TMEM161B: variants seen among roughly 807,000 people sequenced by gnomAD.
TMEM161B encodes transmembrane protein 161B.
In TMEM161B, 34 loss-of-function variants were observed where a neutral mutation model predicts 61.8. That is an observed-to-expected ratio of 0.55 (90% CI 0.42 to 0.73). The LOEUF (loss-of-function observed/expected upper bound fraction) is 0.73, where lower values mean the gene tolerates loss of function less well. Ranked by LOEUF, TMEM161B falls within the 30% of genes least tolerant of loss-of-function variation. TMEM161B has a pLI of 0.00. For synonymous variants in TMEM161B, 167 were observed against 192.8 expected, an observed-to-expected ratio of 0.87 and a Z score of 1.11; for missense variants, 456 against 558.5, an observed-to-expected ratio of 0.82 and a Z score of 1.85.
At position 88,197,709 on chromosome 5, in the gene TMEM161B, C is replaced by G. The variant is rs747416950; in HGVS notation, c.1146G>C (p.Leu382=). The G allele has an allele frequency of 1.2e-6, 2 of 1,612,864 alleles. No individual in the cohort carries two copies. The highest frequency in any genetic ancestry group is 4.5e-5 in the East Asian group (2 of 44,816). The change falls in exon 11 of 12, where the codon CTG becomes CTC. Residue 382 remains leucine, a synonymous_variant. Coordinates refer to ENST00000296595, the MANE Select transcript of TMEM161B (RefSeq NM_153354.5). Reference sequence around the variant, plus strand: ...GCAGAGTTGTGTGAAGCAGCATTACCAGAGGCGCCACATACTGCAGTGCAA... The same window carrying G: ...GCAGAGTTGTGTGAAGCAGCATTACGAGAGGCGCCACATACTGCAGTGCAA... The part of the protein sequence containing the change: ...CVIALQYVAP[L]VMLLHTTLLL...
chr5:88,234,343 G>A (rs1262048308), intron 2 of TMEM161B, among the ~76,000 whole-genome samples: 1 of 152,174 alleles, frequency 6.6e-6, no homozygotes, highest in African/African-American at 2.4e-5. Context: ...GTTTTGGAGA[G>A]AAAGGATTTA....
intron 2 of TMEM161B, among the ~76,000 whole-genome samples, chr5:88,233,634 G>T (rs1751369102): frequency 6.6e-6 from 1 of 152,158 alleles, no homozygotes; most frequent in Non-Finnish European, 1.5e-5. Context: ...ATTAGAGGGA[G>T]ACAAGGGCAG....
intron 1 of TMEM161B, among the ~76,000 whole-genome samples, chr5:88,263,610 T>C (rs775331266): frequency 6.6e-6 from 1 of 152,210 alleles, no homozygotes; most frequent in Non-Finnish European, 1.5e-5. Context: ...GCTGTATTCA[T>C]TCTTACTAAC....
chr5:88,229,263 C>T (rs941895772), intron 2 of TMEM161B, among the ~76,000 whole-genome samples: 3 of 152,112 alleles, frequency 2.0e-5, no homozygotes, highest in East Asian at 1.9e-4. Flanking sequence ...ATTTGATATT[C>T]ATATCTTATT....
At chr5:88,259,722 C>T (rs1253885015) in intron 1 of TMEM161B, among the ~76,000 whole-genome samples, 2 of 151,818 alleles carry the variant, frequency 1.3e-5, no homozygotes, top group East Asian at 1.9e-4. Context: ...ACTGCTATGC[C>T]GGATAGTAAT....
chr5:88,203,750 C>CATAT (rs35091076), intron 8 of TMEM161B, among the ~76,000 whole-genome samples: 2 of 93,822 alleles, frequency 2.1e-5, no homozygotes, highest in Admixed American at 1.0e-4. Flanking sequence ...ATTTCCCTAT[C>CATAT]ATATATATAT....
chr5:88,209,014 AC>A lies in TMEM161B; in HGVS notation c.447-1835del, dbSNP rs1746155365. On this transcript the variant is annotated intron_variant, in intron 5 of 11. Transcript: ENST00000296595. ...AATTTTGTGCATGAAAAAAATTTTG[AC>A]TGCATTTTAACTGCAATCTCTCACA... Among the ~76,000 whole-genome samples the A allele has an allele frequency of 2.6e-5, 4 of 152,354 alleles. 1 individual carries two copies. In the South Asian group the frequency reaches 8.3e-4, roughly 32 times the overall value.
chr5:88,191,749 A>G (rs559336007), downstream of TMEM161B, among the ~76,000 whole-genome samples: 15 of 151,652 alleles, frequency 9.9e-5, no homozygotes, highest in Admixed American at 8.5e-4. Context: ...CGAGGTCAGG[A>G]GATCGAGACC....
At chr5:88,215,735 G>C (rs953716773) in intron 5 of TMEM161B, among the ~76,000 whole-genome samples, 14 of 152,168 alleles carry the variant, frequency 9.2e-5, no homozygotes, top group Non-Finnish European at 1.6e-4. Context: ...CAGTGCTAAA[G>C]GCTGTGTGGG....
Position 88,219,091 on chromosome 5 carries a change from C to T in TMEM161B, c.446+1472G>A, listed in dbSNP as rs149763304. ...CTAGACTGGGGCTTATCTGAGGGTT[C>T]CAGGAGGAAAACTCTACTCAAGATG... On this transcript the variant is annotated intron_variant, in intron 5 of 11. Coordinates refer to ENST00000296595, the MANE Select transcript of TMEM161B (RefSeq NM_153354.5). 1.4e-4 allele frequency among the ~76,000 whole-genome samples: 22 copies of T among 152,172 alleles called. No homozygotes were observed. The East Asian group carries it at 2.7e-3, about 19-fold the overall frequency.
chr5:88,248,720 A>G (rs1051397266), intron 1 of TMEM161B, among the ~76,000 whole-genome samples: 9 of 152,004 alleles, frequency 5.9e-5, no homozygotes, highest in African/African-American at 1.9e-4. Flanking sequence ...CTGAGAAAAA[A>G]AAAAAAAAAA....
intron 2 of TMEM161B, among the ~76,000 whole-genome samples, chr5:88,238,541 A>C (rs942455592): frequency 3.9e-5 from 6 of 152,038 alleles, no homozygotes; most frequent in Admixed American, 3.3e-4. Context: ...CACTATTCAT[A>C]GTTGTAAAAA....
chr5:88,220,491 CTCAAA>C (rs766839174), intron 5 of TMEM161B, 67 bp downstream of exon 5: 4 of 1,223,552 alleles, frequency 3.3e-6, no homozygotes, highest in Non-Finnish European at 4.3e-6. Context: ...TAAAATCTTT[CTCAAA>C]TCAGAGATGA....
intron 1 of TMEM161B, among the ~76,000 whole-genome samples, chr5:88,264,685 C>G (rs1756125890): frequency 6.6e-6 from 1 of 152,134 alleles, no homozygotes; most frequent in Non-Finnish European, 1.5e-5. Context: ...TTGGAACCAA[C>G]CCAAATACAC....
rs751382531 is a variant in TMEM161B, at chr5:88,197,662, T to C, written c.1186+7A>G. On this transcript the variant is annotated splice_region_variant and intron_variant, in intron 11 of 11. Coordinates refer to ENST00000296595, the MANE Select transcript of TMEM161B (RefSeq NM_153354.5). ...AAGATGCTTCCTAGTTGCCAGGGCA[T>C]GCCTACCTAGTGTTTTCAAAAGCAG... 2 of 1,609,986 alleles carry C rather than the reference T, an allele frequency of 1.2e-6. No homozygotes were observed. Among genetic ancestry groups the C allele is most frequent in the Non-Finnish European group, 1.7e-6 (2 of 1,177,694 alleles).
At chr5:88,231,379 G>A (rs932376977) in intron 2 of TMEM161B, among the ~76,000 whole-genome samples, 1 of 152,042 alleles carries the variant, frequency 6.6e-6, no homozygotes, top group Non-Finnish European at 1.5e-5. Context: ...TAACCTGTGG[G>A]GTCTGTACTA....
rs1744690461 is a variant in TMEM161B, at chr5:88,202,908, A to AT, written c.914+53dup. On this transcript the variant is annotated intron_variant, in intron 9 of 11. Coordinates refer to ENST00000296595, the MANE Select transcript of TMEM161B (RefSeq NM_153354.5). ...CTGAAAACGAAATACAGTAAATAAC[A>AT]TTTAGTAAAGCAGTTTTGGTGATAA... 2.6e-6 allele frequency: 3 copies of AT among 1,151,350 alleles called. No individual in the cohort carries two copies. The East Asian group carries it at 7.1e-5, about 27-fold the overall frequency. 71.3% of individuals were successfully genotyped at this position (1,151,350 alleles called of 1,614,324 possible). A position where few individuals can be genotyped will look rare whatever the true frequency, so the allele number is the denominator to read the frequency against.
intron 7 of TMEM161B, 72 bp from the exon 8 acceptor site, chr5:88,206,026 T>C (rs1745397863): frequency 8.5e-7 from 1 of 1,173,738 alleles, no homozygotes; most frequent in Non-Finnish European, 1.2e-6. Flanking sequence ...TTTCTTCTAA[T>C]CAATTATCTT....
Position 88,240,853 on chromosome 5 carries a change from G to A in TMEM161B, c.67C>T (p.Pro23Ser), listed in dbSNP as rs1162270472. 7 of 1,611,394 alleles carry A rather than the reference G, an allele frequency of 4.3e-6. No homozygotes were observed. Among genetic ancestry groups the A allele is most frequent in the Non-Finnish European group, 5.1e-6 (6 of 1,178,376 alleles). Residue 23 changes from proline to serine, a missense_variant, in exon 2 of 12, where the codon CCT becomes TCT. Pro to Ser is a moderately conservative substitution (Grantham distance 74). Transcript: ENST00000296595. ...AGCCATCGAGCAAGAGAATAGTGAG[G>A]TATAATCTTCTGCATGACACTGGCC... ...VMASVMQKII[P>S]HYSLARWLLC...
Sources: gnomAD v4.1 joint callset for allele counts (sites outside exome capture counted in the v4.1 genomes callset) on GRCh38, gnomAD v4.1.1 for gene constraint, MANE v1.5 for transcripts, NCBI Gene and HGNC (gene_info 2026-07-23, HGNC 2026-07-21) for gene names.